TBC1D5: variants seen among roughly 807,000 people sequenced by gnomAD.
TBC1D5 encodes TBC1 domain family, member 5.
A neutral mutation model predicts 100.3 loss-of-function variants in TBC1D5; 75 were observed. The observed-to-expected ratio is 0.75, with a 90% confidence interval of 0.62 to 0.91. The LOEUF (loss-of-function observed/expected upper bound fraction) is 0.91. TBC1D5 is among the 40% of genes least tolerant of loss of function. TBC1D5 has a pLI of 0.00. For synonymous variants in TBC1D5, 323 were observed against 325.6 expected (o/e 0.99, Z 0.09); for missense variants, 910 against 942.4 (o/e 0.97, Z 0.45).
At chr3:17,568,533 A>G (rs2153498202) in intron 2 of TBC1D5, among the ~76,000 whole-genome samples, 1 of 151,662 alleles carries the variant, frequency 6.6e-6, no homozygotes, top group Non-Finnish European at 1.5e-5. Context: ...AAAGTCAATG[A>G]CAAATATATA....
At chr3:17,656,571 T>C (rs1156492617) in intron 1 of TBC1D5, among the ~76,000 whole-genome samples, 1 of 152,158 alleles carries the variant, frequency 6.6e-6, no homozygotes, top group Non-Finnish European at 1.5e-5. Context: ...CCCTACTTCC[T>C]ATTCCTGCTA....
At chr3:17,599,416 G>A (rs2060787521) in intron 2 of TBC1D5, among the ~76,000 whole-genome samples, 1 of 152,098 alleles carries the variant, frequency 6.6e-6, no homozygotes, top group Admixed American at 6.6e-5. Flanking sequence ...GAGTTTGGCT[G>A]GGGGCGGTTG....
At chr3:17,484,963 T>A (rs1235895795) in intron 3 of TBC1D5, among the ~76,000 whole-genome samples, 2 of 152,098 alleles carry the variant, frequency 1.3e-5, no homozygotes, top group Admixed American at 1.3e-4. Context: ...AATGACTTAC[T>A]TTTGCAAGGT....
rs550253030 is a variant in TBC1D5 at position 17,222,268 on chromosome 3, T to C, written c.1589-7898A>G. ...CTGAGTGGCCTTTTATCTCTGTCTT[T>C]CAGGGTTTTGGTAATTGGCACTATC... On this transcript the variant is annotated intron_variant, in intron 17 of 21. Coordinates refer to ENST00000253692, the Ensembl canonical transcript of TBC1D5. Among the ~76,000 whole-genome samples, 8 of 152,332 alleles carry C rather than the reference T, an allele frequency of 5.3e-5. No individual in the cohort carries two copies. In the East Asian group the frequency reaches 1.3e-3, roughly 26 times the overall value.
chr3:17,227,814 A>G (rs921599170), intron 17 of TBC1D5, among the ~76,000 whole-genome samples: 2 of 151,912 alleles, frequency 1.3e-5, no homozygotes, highest in African/African-American at 2.4e-5. Context: ...TTACCTATAT[A>G]ACAAGCCTGC....
At chr3:17,656,759 C>T (rs894247440) in intron 1 of TBC1D5, among the ~76,000 whole-genome samples, 1 of 152,058 alleles carries the variant, frequency 6.6e-6, no homozygotes, top group Non-Finnish European at 1.5e-5. Context: ...GCATTTCATA[C>T]ACTTTCATAT....
chr3:17,285,224 G>GTCAC (rs1460149523), intron 15 of TBC1D5, among the ~76,000 whole-genome samples: 3 of 145,860 alleles, frequency 2.1e-5, no homozygotes, highest in Non-Finnish European at 3.0e-5. Flanking sequence ...TCCTCAAAGA[G>GTCAC]TCACTATACG....
intron 1 of TBC1D5, among the ~76,000 whole-genome samples, chr3:17,732,129 C>T (rs977528769): frequency 6.6e-6 from 1 of 151,908 alleles, no homozygotes; most frequent in African/African-American, 2.4e-5. Context: ...ACCAGCCTGG[C>T]CAATGTGGTG....
intron 18 of TBC1D5, among the ~76,000 whole-genome samples, chr3:17,200,901 G>A (rs1052535851): frequency 6.6e-6 from 1 of 152,186 alleles, no homozygotes; most frequent in Non-Finnish European, 1.5e-5. Context: ...AAGTCAATCT[G>A]ATAAATTTGT....
chr3:17,221,962 C>T (rs2074340485), intron 17 of TBC1D5, among the ~76,000 whole-genome samples: 1 of 152,130 alleles, frequency 6.6e-6, no homozygotes, highest in South Asian at 2.1e-4. Flanking sequence ...TCTTCTGTAT[C>T]TTCAGTTCTT....
chr3:17,536,358 A>G (rs562554925), intron 2 of TBC1D5, among the ~76,000 whole-genome samples: 1 of 152,344 alleles, frequency 6.6e-6, no homozygotes, highest in Admixed American at 6.5e-5. Context: ...TCAAAATTAG[A>G]AGTACATTTA....
At chr3:17,553,595 G>T (rs912013160) in intron 2 of TBC1D5, among the ~76,000 whole-genome samples, 1 of 152,086 alleles carries the variant, frequency 6.6e-6, no homozygotes, top group African/African-American at 2.4e-5. Context: ...ACACAAAGTC[G>T]TTTTTGCAAC....
chr3:17,456,655 G>T (rs1298443514), intron 3 of TBC1D5, among the ~76,000 whole-genome samples: 1 of 152,160 alleles, frequency 6.6e-6, no homozygotes, highest in East Asian at 1.9e-4. Context: ...AATAACAAAT[G>T]CTGGTGAGGA....
chr3:17,418,552 G>C (rs2094138064), intron 4 of TBC1D5, among the ~76,000 whole-genome samples: 1 of 151,952 alleles, frequency 6.6e-6, no homozygotes, highest in African/African-American at 2.4e-5. Context: ...AGGTTGCAGT[G>C]GGCTGAGATG....
Position 17,484,357 on chromosome 3 carries a change from A to C in TBC1D5, c.97+24117T>G, listed in dbSNP as rs2095534181. Reference sequence around the variant, plus strand: ...TCAGAAACAAATTAATCAGAAACTCAAAAATTGATAAAAGGTCTCCCGCCC... The same window carrying C: ...TCAGAAACAAATTAATCAGAAACTCCAAAATTGATAAAAGGTCTCCCGCCC... On this transcript the variant is annotated intron_variant, in intron 3 of 21. Coordinates refer to ENST00000253692, the Ensembl canonical transcript of TBC1D5. Among the ~76,000 whole-genome samples the C allele has an allele frequency of 2.0e-5, 3 of 152,282 alleles. No individual in the cohort carries two copies. The South Asian group carries it at 6.2e-4, about 32-fold the overall frequency.
At chr3:17,368,252 T>C (rs951377187) in intron 13 of TBC1D5, among the ~76,000 whole-genome samples, 1 of 152,186 alleles carries the variant, frequency 6.6e-6, no homozygotes, top group Non-Finnish European at 1.5e-5. Context: ...AATGAGATTA[T>C]CAAATTTTAG....
chr3:17,162,968 C>T (rs983420026), intron 21 of TBC1D5, among the ~76,000 whole-genome samples: 2 of 152,168 alleles, frequency 1.3e-5, no homozygotes, highest in Admixed American at 6.5e-5. Context: ...TGGAGCTTAT[C>T]CTAGGTTGAA....
exon 22 of TBC1D5, chr3:17,158,417 CAT>C (rs1377358772): frequency 1.3e-5 from 2 of 152,166 alleles, no homozygotes; most frequent in African/African-American, 2.4e-5. Flanking sequence ...AAAAGGAGCA[CAT>C]ATTCTTTAAT....
chr3:17,604,933 C>T (rs556920968), intron 2 of TBC1D5, among the ~76,000 whole-genome samples: 2 of 152,204 alleles, frequency 1.3e-5, no homozygotes, highest in South Asian at 4.1e-4. Flanking sequence ...GCCTCAGCCT[C>T]CCAAAGTGCT....
Sources: gnomAD v4.1 joint callset for allele counts (sites outside exome capture counted in the v4.1 genomes callset) on GRCh38, gnomAD v4.1.1 for gene constraint, MANE v1.5 for transcripts, NCBI Gene and HGNC (gene_info 2026-07-23, HGNC 2026-07-21) for gene names.